CASQ1: variants seen among roughly 807,000 people sequenced by gnomAD.
The protein encoded by CASQ1 is calsequestrin-1.
CASQ1 carries 40 observed loss-of-function variants against 49.5 expected under a neutral mutation model. The ratio of observed to expected loss-of-function variants is 0.81; its 90% confidence interval spans 0.63 to 1.05. The LOEUF (loss-of-function observed/expected upper bound fraction) is 1.05, where lower values mean the gene tolerates loss of function less well. CASQ1 is among the 50% of genes least tolerant of loss of function. CASQ1 has a pLI of 0.00. For synonymous variants in CASQ1, 174 were observed against 187.2 expected (o/e 0.93, Z 0.58); for missense variants, 469 against 486.9 (o/e 0.96, Z 0.35).
In CASQ1 at chr1:160,192,706, C is replaced by G. The variant is rs541392911; in HGVS notation, c.280-96C>G. ...GGGTCAAGGTCAACTCTTATATCTC[C>G]CGCACCTCAACTGACCCAACTTGAA... On this transcript the variant is annotated intron_variant, in intron 1 of 10. Transcript: ENST00000368078. 4.6e-5 allele frequency: 45 copies of G among 968,018 alleles called. No homozygotes were observed. In the East Asian group the frequency reaches 1.1e-3, roughly 23 times the overall value. The allele number at this position is 968,018 out of a possible 1,614,324, so 60.0% of individuals were successfully genotyped here. A position where few individuals can be genotyped will look rare whatever the true frequency, so the allele number is the denominator to read the frequency against.
chr1:160,192,449 G>C (rs1439103020), intron 1 of CASQ1, among the ~76,000 whole-genome samples: 1 of 152,150 alleles, frequency 6.6e-6, no homozygotes, highest in Non-Finnish European at 1.5e-5. Context: ...GGTGTGACTT[G>C]AGCAGGATGG....
chr1:160,197,756 T>G, intron 7 of CASQ1, 142 bp downstream of exon 7: 1 of 659,672 alleles, frequency 1.5e-6, no homozygotes, highest in South Asian at 1.6e-5. Context: ...TGGTGGCTCA[T>G]GCCTGTAATC....
At chr1:160,201,147 G>C (rs550767322) in intron 10 of CASQ1, 98 bp from the exon 11 acceptor site, 73 of 1,265,142 alleles carry the variant, frequency 5.8e-5, no homozygotes, top group Non-Finnish European at 7.2e-5. Flanking sequence ...AAGGGACTGA[G>C]AATGTAGGGA....
chr1:160,197,499 G>T (rs1467104299), intron 6 of CASQ1, 70 bp from the exon 7 acceptor site: 1 of 1,134,044 alleles, frequency 8.8e-7, no homozygotes, highest in Admixed American at 1.7e-5. Context: ...GGCAGCCTTT[G>T]CTACAGGACC....
At position 160,199,018 on chromosome 1, in the gene CASQ1, AG is replaced by A. The variant is rs775760474; in HGVS notation, c.950del (p.Ser317ThrfsTer30). 6.2e-7 allele frequency: 1 copy of A among 1,612,850 alleles called. No individual in the cohort carries two copies. The highest frequency in any genetic ancestry group is 1.1e-5 in the South Asian group (1 of 91,054). On this transcript the variant is annotated frameshift_variant, in exon 9 of 11. Coordinates refer to ENST00000368078, the MANE Select transcript of CASQ1 (RefSeq NM_001231.5). LOFTEE classifies it high-confidence loss of function. ...AQDNTENPDL[S>X]IIWIDPDDFP... ...AGATAACACTGAAAACCCAGATCTT[AG>A]CATCATCTGGATTGACCCTGATGAC...
chr1:160,197,855 G>A (rs191522785), intron 7 of CASQ1, among the ~76,000 whole-genome samples: 54 of 151,846 alleles, frequency 3.6e-4, no homozygotes, highest in East Asian at 1.4e-3. Context: ...CATCTCTACT[G>A]AAAATACAAA....
At position 160,192,830 on chromosome 1, in the gene CASQ1, G is replaced by A. The variant is rs1654108256; in HGVS notation, c.308G>A (p.Gly103Asp). Residue 103 changes from glycine to aspartate, a missense_variant, in exon 2 of 11, where the codon GGT becomes GAT. By Grantham distance (94) the Gly-to-Asp change is moderately conservative. Transcript: ENST00000368078. The stretch of plus-strand genomic sequence containing the variant: ...GCAGCCCAAGTCCTAGAAGACAAGG[G>A]TGTTGGCTTCGGGCTGGTAGACTCT... The part of the protein sequence containing the change: ...ELAAQVLEDK[G>D]VGFGLVDSEK... 1.9e-6 allele frequency: 3 copies of A among 1,614,026 alleles called. No individual in the cohort carries two copies. The highest frequency in any genetic ancestry group is 2.5e-6 in the Non-Finnish European group (3 of 1,179,956).
At position 160,195,520 on chromosome 1, in the gene CASQ1, A is replaced by G; in HGVS notation, c.637A>G (p.Thr213Ala). 1 of 1,613,538 alleles carries G rather than the reference A, an allele frequency of 6.2e-7. No homozygotes were observed. The highest frequency in any genetic ancestry group is 1.7e-5 in the Admixed American group (1 of 59,950). ...EFHPYIPFFA[T>A]FDSKVAKKLT... Reference sequence around the variant, plus strand: ...TCATCCCTACATCCCCTTCTTCGCCACCTTCGACAGCAAGGTTCTCCTCCC... The same window carrying G: ...TCATCCCTACATCCCCTTCTTCGCCGCCTTCGACAGCAAGGTTCTCCTCCC... Residue 213 changes from threonine to alanine, a missense_variant, in exon 5 of 11, where the codon ACC becomes GCC. Physicochemically the swap from Thr to Ala is moderately conservative, Grantham distance 58. Transcript: ENST00000368078.
intron 4 of CASQ1, 63 bp from the exon 5 acceptor site, chr1:160,195,398 G>C: frequency 1.4e-6 from 2 of 1,457,828 alleles, no homozygotes; most frequent in Non-Finnish European, 1.9e-6. Context: ...GGACGATAGT[G>C]GGGGATGATT....
At chr1:160,199,766 C>T (rs1253021572) in intron 9 of CASQ1, 85 bp from the exon 10 acceptor site, 2 of 922,440 alleles carry the variant, frequency 2.2e-6, no homozygotes, top group Non-Finnish European at 3.6e-6. Flanking sequence ...CCCTCTCCAT[C>T]CCTGGGCTGA....
rs1654108122 is a variant in CASQ1, at chr1:160,192,828, G to A, written c.306G>A (p.Lys102=). 16 of 1,613,972 alleles carry A rather than the reference G, an allele frequency of 9.9e-6. No individual in the cohort carries two copies. Among genetic ancestry groups the A allele is most frequent in the Non-Finnish European group, 1.4e-5 (16 of 1,179,978 alleles). ...LELAAQVLED[K]GVGFGLVDSE... is the part of the protein sequence containing the mutation. ...TAGCAGCCCAAGTCCTAGAAGACAA[G>A]GGTGTTGGCTTCGGGCTGGTAGACT... The change falls in exon 2 of 11, where the codon AAG becomes AAA. Residue 102 remains lysine (K), a synonymous_variant. Transcript: ENST00000368078.
chr1:160,193,020 G>A (rs1465641834), intron 2 of CASQ1, 134 bp downstream of exon 2: 2 of 707,036 alleles, frequency 2.8e-6, no homozygotes, highest in Non-Finnish European at 4.9e-6. Context: ...TTCTAAAAGA[G>A]GGGGTGAGAA....
In CASQ1 at chr1:160,195,886, C is replaced by T. The variant is rs746907433; in HGVS notation, c.652-11C>T. ...TCCTGCTCCACTCCCCTCCTACCCC[C>T]TCTCCCAAAGGTGGCAAAGAAGCTG... On this transcript the variant is annotated splice_polypyrimidine_tract_variant and intron_variant, in intron 5 of 10. Transcript: ENST00000368078. The T allele has an allele frequency of 2.5e-6, 4 of 1,613,422 alleles. No individual in the cohort carries two copies. The South Asian group carries it at 4.4e-5, about 18-fold the overall frequency.
At chr1:160,193,718 C>T in intron 2 of CASQ1, 29 bp from the exon 3 acceptor site, 4 of 1,278,592 alleles carry the variant, frequency 3.1e-6, no homozygotes, top group Non-Finnish European at 4.5e-6. Flanking sequence ...GGCTCACTAC[C>T]CCACCCCTGC....
intron 6 of CASQ1, among the ~76,000 whole-genome samples, chr1:160,196,292 C>G (rs1273884416): frequency 5.9e-5 from 9 of 152,076 alleles, no homozygotes; most frequent in Admixed American, 5.9e-4. Context: ...CTTAAATAAT[C>G]TCTGTCAACA....
At chr1:160,199,557 C>T (rs1232114837) in intron 9 of CASQ1, among the ~76,000 whole-genome samples, 1 of 152,172 alleles carries the variant, frequency 6.6e-6, no homozygotes, top group Admixed American at 6.5e-5. Flanking sequence ...AGTGACTTGA[C>T]CTTGAACACA....
Position 160,201,375 on chromosome 1 carries a change from A to G in CASQ1, c.1190A>G (p.Ter397TrpextTer54), listed in dbSNP as rs779978466. ...GACGATGACGATGATGATGATGACT[A>G]GTTGCTATGGCAACCATCTTTCAGC... ...TEDDDDDDDD[*>W] The change falls in exon 11 of 11, where the codon TAG becomes TGG. Residue 397 changes from the stop codon to tryptophan, a stop_lost. Transcript: ENST00000368078. 6.2e-7 allele frequency: 1 copy of G among 1,613,874 alleles called. No homozygotes were observed. The highest frequency in any genetic ancestry group is 8.5e-7 in the Non-Finnish European group (1 of 1,179,882).
Position 160,193,741 on chromosome 1 carries a change from C to T in CASQ1, c.365-6C>T. ...ACCCCACCCCTGCGCCCGGCTCACT[C>T]CCTAGGCCTAACTGAAGTGGACAGC... On this transcript the variant is annotated splice_polypyrimidine_tract_variant and splice_region_variant and intron_variant, in intron 2 of 10. Coordinates refer to ENST00000368078, the MANE Select transcript of CASQ1 (RefSeq NM_001231.5). 1 of 1,582,582 alleles carries T rather than the reference C, an allele frequency of 6.3e-7. No homozygotes were observed. The highest frequency in any genetic ancestry group is 8.7e-7 in the Non-Finnish European group (1 of 1,153,956).
Position 160,201,425 on chromosome 1 carries a change from C to T in CASQ1, c.*49C>T. The T allele has an allele frequency of 6.2e-7, 1 of 1,600,570 alleles. No individual in the cohort carries two copies. ...CCCCACTGGTCTTTTCATGCTCTCT[C>T]CTGCCTTCCCTTGTCCTTCCCTGAG... On this transcript the variant is annotated 3_prime_UTR_variant, in exon 11 of 11. Coordinates refer to ENST00000368078, the MANE Select transcript of CASQ1 (RefSeq NM_001231.5).
Sources: allele counts gnomAD v4.1 joint callset (sites outside exome capture counted in the v4.1 genomes callset), GRCh38; gene constraint gnomAD v4.1.1; transcripts MANE v1.5; gene names NCBI Gene and HGNC (gene_info 2026-07-23, HGNC 2026-07-21).